The following ALG9 variants were observed in gnomAD, a reference collection of about 807,000 sequenced individuals.
ALG9 encodes the protein alpha-1,2-mannosyltransferase ALG9.
A neutral mutation model predicts 81.8 loss-of-function variants in ALG9; 55 were observed. That is an observed-to-expected ratio of 0.67 (90% CI 0.54 to 0.84). The LOEUF is 0.84. Ranked by LOEUF, ALG9 falls within the 40% of genes least tolerant of loss-of-function variation. The pLI is 0.00. For missense variants in ALG9, 629 were observed against 745.0 expected (o/e 0.84, Z 1.81); for synonymous variants, 278 against 274.3 (o/e 1.01, Z -0.13).
At chr11:111,858,147 G>T (rs1030288244) in intron 5 of ALG9, among the ~76,000 whole-genome samples, 1 of 152,078 alleles carries the variant, frequency 6.6e-6, no homozygotes, top group African/African-American at 2.4e-5. Context: ...ATGTTGGCCA[G>T]GCTGGTCTCG....
At chr11:111,812,915 C>A (rs868913680) in intron 13 of ALG9, among the ~76,000 whole-genome samples, 347 of 98,624 alleles carry the variant, frequency 3.5e-3, no homozygotes, top group Middle Eastern at 5.1e-3. Context: ...GACTCTGTCT[C>A]AAAAAAAAAA....
rs938293889 is a variant in ALG9, at chr11:111,784,813, C to A, written c.*1584G>T. The A allele has an allele frequency of 1.3e-5, 2 of 152,176 alleles. No individual in the cohort carries two copies. The highest frequency in any genetic ancestry group is 2.9e-5 in the Non-Finnish European group (2 of 68,030). 9.4% of individuals were successfully genotyped at this position (152,176 alleles called of 1,614,324 possible). A position where few individuals can be genotyped will look rare whatever the true frequency, so the allele number is the denominator to read the frequency against. ...CAGTTACCCTTAGGGAAATAAGGCA[C>A]CTATAATGTGACCCCAGATTGACTA... On this transcript the variant is annotated 3_prime_UTR_variant, in exon 15 of 15. Coordinates refer to ENST00000616540, the MANE Select transcript of ALG9 (RefSeq NM_024740.2).
rs189507058 is a variant in ALG9, at chr11:111,827,913, C to G, written c.1602+8252G>C. On this transcript the variant is annotated intron_variant, in intron 13 of 14. Coordinates refer to ENST00000616540, the MANE Select transcript of ALG9 (RefSeq NM_024740.2). The stretch of plus-strand genomic sequence containing the variant: ...CCTAAAGATAAGAGATGAGTCCGGA[C>G]GTGGTGGCTCACGTTTGTAATCCCA... Among the ~76,000 whole-genome samples, 9 of 148,076 alleles carry G rather than the reference C, an allele frequency of 6.1e-5. No individual in the cohort carries two copies. In the Admixed American group the frequency reaches 6.1e-4, roughly 10 times the overall value.
intron 14 of ALG9, among the ~76,000 whole-genome samples, chr11:111,805,636 G>C (rs1242916342): frequency 6.6e-6 from 1 of 152,330 alleles, no homozygotes; most frequent in East Asian, 1.9e-4. Flanking sequence ...AAAGATTAGT[G>C]GTTGTCCGGG....
chr11:111,845,605 T>A (rs1478412228), intron 8 of ALG9, among the ~76,000 whole-genome samples: 2 of 152,146 alleles, frequency 1.3e-5, no homozygotes, highest in Non-Finnish European at 2.9e-5. Context: ...TACACCCAAA[T>A]GATGAGAAAC....
intron 13 of ALG9, among the ~76,000 whole-genome samples, chr11:111,810,412 A>G (rs188046412): frequency 6.6e-6 from 1 of 152,308 alleles, no homozygotes; most frequent in African/African-American, 2.4e-5. Context: ...TAACATGGAT[A>G]CATCAGAATA....
chr11:111,803,960 C>G (rs1443864186), intron 14 of ALG9, among the ~76,000 whole-genome samples: 1 of 151,640 alleles, frequency 6.6e-6, no homozygotes, highest in Non-Finnish European at 1.5e-5. Context: ...TGGTGAAACC[C>G]CGTCTCTACT....
intron 14 of ALG9, among the ~76,000 whole-genome samples, chr11:111,789,123 G>A (rs372813719): frequency 1.1e-4 from 16 of 150,194 alleles, no homozygotes; most frequent in African/African-American, 3.7e-4. Context: ...GATTACAGGC[G>A]CAAGCGACCT....
the ALG9 span, among the ~76,000 whole-genome samples, chr11:111,773,245 AT>A: frequency 4.0e-5 from 6 of 149,526 alleles, no homozygotes; most frequent in African/African-American, 4.9e-5. Flanking sequence ...ACAATGGTAG[AT>A]TTTTTTTTTG....
chr11:111,774,236 C>T, the ALG9 span, among the ~76,000 whole-genome samples: 1 of 151,718 alleles, frequency 6.6e-6, no homozygotes, highest in Non-Finnish European at 1.5e-5. Flanking sequence ...ATTAGCCAGG[C>T]GTGGTGGCGC....
intron 5 of ALG9, among the ~76,000 whole-genome samples, chr11:111,859,361 G>A (rs1555145964): frequency 6.6e-6 from 1 of 152,006 alleles, no homozygotes; most frequent in Non-Finnish European, 1.5e-5. Context: ...AATTAGCTGG[G>A]CGTGGTGGTG....
intron 1 of ALG9, 21 bp from the exon 2 acceptor site, chr11:111,870,391 A>AG: frequency 1.3e-6 from 2 of 1,514,550 alleles, no homozygotes; most frequent in Non-Finnish European, 8.8e-7. Context: ...GCAAAAAAAA[A>AG]AAAAAAAAAA....
chr11:111,857,831 A>T (rs781834056), intron 5 of ALG9, 94 bp from the exon 6 acceptor site: 3 of 1,383,506 alleles, frequency 2.2e-6, no homozygotes, highest in Non-Finnish European at 3.0e-6. Flanking sequence ...TACCTACATT[A>T]TAAAATGTCA....
At chr11:111,799,790 AC>A (rs1316587136) in intron 14 of ALG9, among the ~76,000 whole-genome samples, 1 of 152,208 alleles carries the variant, frequency 6.6e-6, no homozygotes. Flanking sequence ...ATTATAGATT[AC>A]CTTACATAAA....
Position 111,853,425 on chromosome 11 carries a change from T to C in ALG9, c.850A>G (p.Ile284Val), listed in dbSNP as rs782073124. 2 of 1,614,072 alleles carry C rather than the reference T, an allele frequency of 1.2e-6. No individual in the cohort carries two copies. Among genetic ancestry groups the C allele is most frequent in the Non-Finnish European group, 1.7e-6 (2 of 1,179,970 alleles). ...GGAGTAAAGACATTATACAAAACAA[T>C]GTTGAGTGGTGCAATCACCAACTTC... Reference protein sequence around the residue: ...YGKLVIAPLNIVLYNVFTPHG... With the variant: ...YGKLVIAPLNVVLYNVFTPHG... The change falls in exon 8 of 15, where the codon ATT becomes GTT. Residue 284 changes from isoleucine (I) to valine (V), a missense_variant. Physicochemically the swap from Ile to Val is conservative, Grantham distance 29 (BLOSUM62 3). Coordinates refer to ENST00000616540, the MANE Select transcript of ALG9 (RefSeq NM_024740.2).
At chr11:111,788,512 G>C (rs963113807) in intron 14 of ALG9, 6 of 451,088 alleles carry the variant, frequency 1.3e-5, no homozygotes, top group African/African-American at 1.2e-4. Flanking sequence ...GAGAGGCTGA[G>C]GTGGGAGGAT....
intron 13 of ALG9, among the ~76,000 whole-genome samples, chr11:111,830,020 T>C (rs1056153897): frequency 6.6e-6 from 1 of 152,208 alleles, no homozygotes; most frequent in African/African-American, 2.4e-5. Context: ...ATTTCAGGTG[T>C]AGTTTCAGCA....
At chr11:111,800,443 T>C (rs1478981797) in intron 14 of ALG9, among the ~76,000 whole-genome samples, 2 of 152,020 alleles carry the variant, frequency 1.3e-5, no homozygotes, top group East Asian at 3.9e-4. Flanking sequence ...GTCATGCCAC[T>C]GCACTCCAGC....
At chr11:111,816,899 A>G (rs931775591) in intron 13 of ALG9, among the ~76,000 whole-genome samples, 2 of 152,232 alleles carry the variant, frequency 1.3e-5, no homozygotes, top group Non-Finnish European at 2.9e-5. Context: ...TAAGGAAATG[A>G]CATTAGCATA....
Sources: gnomAD v4.1 joint callset for allele counts (sites outside exome capture counted in the v4.1 genomes callset) on GRCh38, gnomAD v4.1.1 for gene constraint, MANE v1.5 for transcripts, NCBI Gene and HGNC (gene_info 2026-07-23, HGNC 2026-07-21) for gene names.